The following DGKI variants were observed in gnomAD, a reference collection of about 807,000 sequenced individuals.
The protein encoded by DGKI is diacylglycerol kinase iota.
DGKI carries 55 observed loss-of-function variants against 147.5 expected under a neutral mutation model. The observed-to-expected ratio is 0.37, with a 90% CI of 0.30 to 0.47. The LOEUF is 0.47. Among genes scored for constraint, DGKI ranks in the 20% least tolerant of loss-of-function variants. DGKI has a pLI of 1.00. For missense variants in DGKI, 1,007 were observed against 1,323.8 expected (o/e 0.76, Z 3.71); for synonymous variants, 469 against 477.1 (o/e 0.98, Z 0.22).
Position 137,591,966 on chromosome 7 carries a change from C to G in DGKI, c.1312-4756G>C, listed in dbSNP as rs544194636. Among the ~76,000 whole-genome samples, 3 of 152,164 alleles carry G rather than the reference C, an allele frequency of 2.0e-5. No homozygotes were observed. The East Asian group carries it at 5.8e-4, about 29-fold the overall frequency. On this transcript the variant is annotated intron_variant, in intron 12 of 32. Coordinates refer to ENST00000614521, the MANE Select transcript of DGKI (RefSeq NM_001321708.2). The stretch of plus-strand genomic sequence containing the variant: ...TAAAGAACAGTAAAAGCAGAGGTTC[C>G]CTGCAGTAAAAAAGGGGCTATAAAA...
chr7:137,778,730 C>A (rs1796436702), intron 1 of DGKI, among the ~76,000 whole-genome samples: 1 of 152,144 alleles, frequency 6.6e-6, no homozygotes, highest in Non-Finnish European at 1.5e-5. Context: ...TGTTAGCACT[C>A]CCAATTTGCA....
intron 8 of DGKI, among the ~76,000 whole-genome samples, chr7:137,613,506 T>C (rs528916288): frequency 5.3e-5 from 8 of 152,226 alleles, no homozygotes; most frequent in African/African-American, 1.7e-4. Flanking sequence ...TTGAGGCTAA[T>C]TTACAGGATA....
intron 21 of DGKI, among the ~76,000 whole-genome samples, chr7:137,496,727 T>G (rs186753924): frequency 1.2e-4 from 18 of 152,240 alleles, no homozygotes; most frequent in Non-Finnish European, 1.3e-4. Context: ...TAAATGGTGC[T>G]GGAATAACCG....
Position 137,487,664 on chromosome 7 carries a change from C to T in DGKI, c.2274G>A (p.Val758=), listed in dbSNP as rs769252619. The T allele has an allele frequency of 3.7e-6, 6 of 1,613,674 alleles. No homozygotes were observed. The highest frequency in any genetic ancestry group is 5.1e-6 in the Non-Finnish European group (6 of 1,179,714). ...AAGTCTCCAAATCACAGTCTCCACG[C>T]ACAACTAGAATACCCAGAGGTATCG... The part of the protein sequence containing the change: ...EASIPLGILV[V]RGDCDLETCR... Residue 758 remains valine (V), a synonymous_variant, in exon 22 of 33, where the codon GTG becomes GTA. Transcript: ENST00000614521.
chr7:137,506,431 G>T (rs1485085174), intron 21 of DGKI, among the ~76,000 whole-genome samples: 1 of 152,132 alleles, frequency 6.6e-6, no homozygotes, highest in Admixed American at 6.6e-5. Context: ...AATAATCAGT[G>T]GTTGCCAAGG....
chr7:137,721,354 C>G (rs1794551773), intron 1 of DGKI, among the ~76,000 whole-genome samples: 1 of 152,148 alleles, frequency 6.6e-6, no homozygotes, highest in Non-Finnish European at 1.5e-5. Context: ...ACTAATTGGT[C>G]CCTATAAATA....
chr7:137,565,473 C>T (rs1008713756), intron 19 of DGKI, among the ~76,000 whole-genome samples: 1 of 151,982 alleles, frequency 6.6e-6, no homozygotes, highest in African/African-American at 2.4e-5. Context: ...AAACTTCAAC[C>T]CTGAGAATTT....
At chr7:137,833,145 T>A (rs1240649013) in intron 1 of DGKI, among the ~76,000 whole-genome samples, 1 of 152,244 alleles carries the variant, frequency 6.6e-6, no homozygotes, top group African/African-American at 2.4e-5. Flanking sequence ...AACCTCTGCC[T>A]GTTACCCAGT....
intron 1 of DGKI, among the ~76,000 whole-genome samples, chr7:137,777,493 C>T (rs1193114019): frequency 6.6e-6 from 1 of 152,220 alleles, no homozygotes; most frequent in African/African-American, 2.4e-5. Flanking sequence ...TGGTCTAGCT[C>T]CCTCAGTGTT....
At chr7:137,810,366 A>T (rs959451832) in intron 1 of DGKI, among the ~76,000 whole-genome samples, 3 of 152,212 alleles carry the variant, frequency 2.0e-5, no homozygotes, top group Non-Finnish European at 4.4e-5. Flanking sequence ...TACAGAAAAA[A>T]AAATTAAGGA....
At position 137,645,504 on chromosome 7, in the gene DGKI, G is replaced by A. The variant is rs1821793752; in HGVS notation, c.772C>T (p.Arg258Trp). The A allele has an allele frequency of 1.9e-6, 3 of 1,613,546 alleles. No individual in the cohort carries two copies. Among genetic ancestry groups the A allele is most frequent in the Non-Finnish European group, 2.5e-6 (3 of 1,179,676 alleles). The change falls in exon 6 of 33, where the codon CGG becomes TGG. Residue 258 changes from arginine (R) to tryptophan (W), a missense_variant. Transcript: ENST00000614521. ...CACTGCTTACATTTCCCCTCCTGCC[G>A]ACGCCTGTGCACCCAGTGATGACGT... Reference protein sequence around the residue: ...FVRHHWVHRRRQEGKCKQCGK... With the variant: ...FVRHHWVHRRWQEGKCKQCGK...
At chr7:137,727,368 T>G (rs574069351) in intron 1 of DGKI, among the ~76,000 whole-genome samples, 2 of 152,246 alleles carry the variant, frequency 1.3e-5, no homozygotes, top group South Asian at 4.2e-4. Context: ...AAGAAAAAGA[T>G]TTTTGAGCAA....
At chr7:137,609,133 G>A (rs1820280307) in intron 9 of DGKI, 69 bp from the exon 10 acceptor site, 1 of 1,220,678 alleles carries the variant, frequency 8.2e-7, no homozygotes. Flanking sequence ...AGGCAAGGGA[G>A]GTGGAAAACC....
intron 19 of DGKI, among the ~76,000 whole-genome samples, chr7:137,567,962 A>G (rs1818648635): frequency 6.6e-6 from 1 of 152,200 alleles, no homozygotes; most frequent in Non-Finnish European, 1.5e-5. Context: ...TGGGACAAAT[A>G]TAAGATTGTC....
chr7:137,659,881 C>T (rs1460184872), intron 3 of DGKI, among the ~76,000 whole-genome samples: 2 of 152,084 alleles, frequency 1.3e-5, no homozygotes, highest in Non-Finnish European at 2.9e-5. Flanking sequence ...TGCAGTGAGC[C>T]GAGATCGCGC....
At chr7:137,684,609 C>T (rs371689566) in intron 2 of DGKI, among the ~76,000 whole-genome samples, 147 of 152,244 alleles carry the variant, frequency 9.7e-4, no homozygotes, top group African/African-American at 3.3e-3. Flanking sequence ...AAAACTCCCC[C>T]GTTCTCAGAA....
At position 137,846,553 on chromosome 7, in the gene DGKI, C is replaced by T; in HGVS notation, c.310G>A (p.Asp104Asn). ...SAAAAGAAAL[D>N]EPAAAGQKEK... ...TTCTGGCCGGCGGCCGCGGGCTCGT[C>T]CAGGGCAGCGGCCCCCGCCGCCGCG... Residue 104 changes from aspartate to asparagine, a missense_variant, in exon 1 of 33, where the codon GAC (aspartate) becomes AAC (asparagine). Transcript: ENST00000614521. The surrounding 1 kb of genome is among the most constrained non-coding windows in gnomAD (Gnocchi z 4.0). 1 of 1,503,024 alleles carries T rather than the reference C, an allele frequency of 6.7e-7. No homozygotes were observed. Among genetic ancestry groups the T allele is most frequent in the South Asian group, 1.2e-5 (1 of 84,776 alleles). The allele number at this position is 1,503,024 out of a possible 1,614,324, so 93.1% of individuals were successfully genotyped here. A position where few individuals can be genotyped will look rare whatever the true frequency, so the allele number is the denominator to read the frequency against.
At chr7:137,711,723 C>T (rs573303880) in intron 1 of DGKI, among the ~76,000 whole-genome samples, 1 of 119,712 alleles carries the variant, frequency 8.4e-6, no homozygotes, top group Non-Finnish European at 1.6e-5. Flanking sequence ...AAGACGGAGT[C>T]TCGCTCTGTC....
chr7:137,571,910 T>C (rs1818806729), intron 18 of DGKI, among the ~76,000 whole-genome samples: 1 of 152,108 alleles, frequency 6.6e-6, no homozygotes, highest in South Asian at 2.1e-4. Context: ...AGAGAAAGAA[T>C]AATAAAGCAA....
Sources: gnomAD v4.1 joint callset for allele counts (sites outside exome capture counted in the v4.1 genomes callset) on GRCh38, gnomAD v4.1.1 for gene constraint, Gnocchi (gnomAD v3.1) non-coding constraint, MANE v1.5 for transcripts, NCBI Gene and HGNC (gene_info 2026-07-23, HGNC 2026-07-21) for gene names.